The following DOCK2 variants were observed in gnomAD, a reference collection of about 807,000 sequenced individuals.
DOCK2 encodes the protein dedicator of cytokinesis protein 2.
Under a neutral mutation model 248.9 loss-of-function variants are expected in DOCK2, and 87 were observed. The ratio of observed to expected loss-of-function variants is 0.35; its 90% CI spans 0.29 to 0.42. The LOEUF is 0.42. DOCK2 is among the 10% of genes least tolerant of loss of function. DOCK2 has a pLI of 1.00. For synonymous variants in DOCK2, 805 were observed against 821.6 expected (o/e 0.98, Z 0.35); for missense variants, 1,747 against 2,300.2 (o/e 0.76, Z 4.92).
intron 23 of DOCK2, among the ~76,000 whole-genome samples, chr5:169,753,943 G>A (rs1167628789): frequency 6.6e-6 from 1 of 152,118 alleles, no homozygotes; most frequent in Non-Finnish European, 1.5e-5. Flanking sequence ...TAAAATAAAA[G>A]GATTAAAAAT....
At chr5:169,673,938 G>A (rs1418617373) in intron 5 of DOCK2, among the ~76,000 whole-genome samples, 1 of 152,200 alleles carries the variant, frequency 6.6e-6, no homozygotes, top group Non-Finnish European at 1.5e-5. Context: ...TTTATCACCA[G>A]AGAAATGGCC....
rs4867886 is a variant in DOCK2, at chr5:169,742,864, G to A, written c.2268-4532G>A. Among the ~76,000 whole-genome samples the A allele has an allele frequency of 2.9e-3, 443 of 152,374 alleles. 19 individuals carry two copies. The East Asian group carries it at 0.069, about 24-fold the overall frequency. On this transcript the variant is annotated intron_variant, in intron 22 of 51. Coordinates refer to ENST00000520908, the MANE Select transcript of DOCK2 (RefSeq NM_004946.3). ...ATTTATCCAAGCCCTGGGAGCCGGA[G>A]TGCTGGCTGTGGTCGACTTGCATGC...
chr5:169,673,330 C>T (rs1262142656), intron 5 of DOCK2, among the ~76,000 whole-genome samples: 1 of 151,962 alleles, frequency 6.6e-6, no homozygotes, highest in East Asian at 1.9e-4. Flanking sequence ...TCACTCTGGT[C>T]ATTGCAGGAG....
intron 22 of DOCK2, among the ~76,000 whole-genome samples, chr5:169,731,624 T>A (rs779090334): frequency 7.2e-5 from 11 of 152,188 alleles, no homozygotes; most frequent in Non-Finnish European, 1.5e-4. Flanking sequence ...AGCCATTTGA[T>A]GTGATTATTA....
chr5:170,026,845 A>G (rs531677867), intron 33 of DOCK2, among the ~76,000 whole-genome samples: 4 of 152,212 alleles, frequency 2.6e-5, no homozygotes, highest in East Asian at 1.9e-4. Flanking sequence ...GATCATTACC[A>G]TTGTCACCAG....
At chr5:169,815,655 CAAAA>C (rs367997201) in intron 26 of DOCK2, among the ~76,000 whole-genome samples, 2 of 152,084 alleles carry the variant, frequency 1.3e-5, no homozygotes, top group African/African-American at 4.8e-5. Context: ...ATTTTTTAAA[CAAAA>C]AAATTGCATT....
intron 25 of DOCK2, among the ~76,000 whole-genome samples, chr5:169,783,984 G>T (rs1176624734): frequency 3.3e-5 from 5 of 152,194 alleles, no homozygotes; most frequent in African/African-American, 4.8e-5. Flanking sequence ...AGGACTGTTT[G>T]ACCCAGGCAA....
chr5:169,664,825 C>G (rs984774241), intron 2 of DOCK2, among the ~76,000 whole-genome samples: 1 of 152,046 alleles, frequency 6.6e-6, no homozygotes, highest in African/African-American at 2.4e-5. Context: ...GACACAAAGC[C>G]AAATCATATC....
At chr5:170,003,766 T>C (rs1754921759) in intron 30 of DOCK2, among the ~76,000 whole-genome samples, 1 of 152,190 alleles carries the variant, frequency 6.6e-6, no homozygotes, top group Admixed American at 6.5e-5. Context: ...TCTGATTCTT[T>C]GGGAACAAGA....
chr5:169,943,384 C>T (rs1358947821), intron 27 of DOCK2, among the ~76,000 whole-genome samples: 4 of 152,122 alleles, frequency 2.6e-5, no homozygotes, highest in East Asian at 1.9e-4. Context: ...ACCTGTGGCC[C>T]GCGGGCCATA....
At chr5:169,761,677 C>A in intron 25 of DOCK2, 52 bp downstream of exon 25, 1 of 1,508,382 alleles carries the variant, frequency 6.6e-7, no homozygotes, top group Non-Finnish European at 9.2e-7. Context: ...ATAAACCCCA[C>A]ATCATTTTGG....
At chr5:169,804,214 T>C (rs1045344644) in intron 26 of DOCK2, among the ~76,000 whole-genome samples, 1 of 152,222 alleles carries the variant, frequency 6.6e-6, no homozygotes, top group Non-Finnish European at 1.5e-5. Flanking sequence ...ATCAATTTCC[T>C]TGCATACTGT....
At chr5:169,815,839 C>T (rs563328686) in intron 26 of DOCK2, among the ~76,000 whole-genome samples, 3 of 152,194 alleles carry the variant, frequency 2.0e-5, no homozygotes, top group East Asian at 3.9e-4. Context: ...CCATAAATGG[C>T]GTGGCGGCTT....
At chr5:169,960,410 T>A (rs1777036896) in intron 27 of DOCK2, among the ~76,000 whole-genome samples, 1 of 152,226 alleles carries the variant, frequency 6.6e-6, no homozygotes, top group African/African-American at 2.4e-5. Flanking sequence ...ATTGATAATA[T>A]TAATATGTCT....
At chr5:170,001,751 G>T (rs915926749) in intron 30 of DOCK2, among the ~76,000 whole-genome samples, 11 of 152,190 alleles carry the variant, frequency 7.2e-5, no homozygotes, top group African/African-American at 1.9e-4. Context: ...TAAAAAGAAG[G>T]TTCTTGCTTG....
At chr5:170,043,828 A>G (rs980923110) in intron 38 of DOCK2, among the ~76,000 whole-genome samples, 3 of 152,212 alleles carry the variant, frequency 2.0e-5, no homozygotes, top group South Asian at 4.1e-4. Context: ...AAGATATTCA[A>G]TTCAGCCCAC....
chr5:170,079,167 G>C lies in DOCK2; in HGVS notation c.5166+21G>C, dbSNP rs113272576. On this transcript the variant is annotated intron_variant, in intron 49 of 51. Coordinates refer to ENST00000520908, the MANE Select transcript of DOCK2 (RefSeq NM_004946.3). Reference sequence around the variant, plus strand: ...AGCGGGTGAGTGGCTGAGGCAGATTGCCTCTCCAGCGCTGTTAGCACATTT... The same window carrying C: ...AGCGGGTGAGTGGCTGAGGCAGATTCCCTCTCCAGCGCTGTTAGCACATTT... 3 of 1,609,590 alleles carry C rather than the reference G, an allele frequency of 1.9e-6. No homozygotes were observed. The Admixed American group carries it at 5.0e-5, about 27-fold the overall frequency.
At chr5:169,645,030 A>T (rs1757374501) in intron 1 of DOCK2, among the ~76,000 whole-genome samples, 1 of 152,026 alleles carries the variant, frequency 6.6e-6, no homozygotes, top group South Asian at 2.1e-4. Context: ...CATTTTCTTT[A>T]TCCAATCTAT....
chr5:170,034,030 A>T (rs1241319014), intron 34 of DOCK2, among the ~76,000 whole-genome samples: 2 of 152,230 alleles, frequency 1.3e-5, no homozygotes, highest in African/African-American at 2.4e-5. Flanking sequence ...TCTGTAGAAC[A>T]GATTCTGCAA....
Sources: allele counts gnomAD v4.1 joint callset (sites outside exome capture counted in the v4.1 genomes callset), GRCh38; gene constraint gnomAD v4.1.1; transcripts MANE v1.5; gene names NCBI Gene and HGNC (gene_info 2026-07-23, HGNC 2026-07-21).